The following LARGE1 variants were observed in gnomAD, a reference collection of about 807,000 sequenced individuals.
LARGE1 encodes the protein LARGE xylosyl- and glucuronyltransferase 1, also known as xylosyl- and glucuronyltransferase LARGE1.
A neutral mutation model predicts 87.6 loss-of-function variants in LARGE1; 43 were observed. The ratio of observed to expected loss-of-function variants is 0.49; its 90% CI spans 0.38 to 0.63. The LOEUF (loss-of-function observed/expected upper bound fraction) is 0.63, where lower values mean the gene tolerates loss of function less well. Ranked by LOEUF, LARGE1 falls within the 30% of genes least tolerant of loss-of-function variation. The probability of loss-of-function intolerance (pLI) is 0.00; values close to 1 mark genes in which losing one functional copy is unlikely to be tolerated. For missense variants in LARGE1, 802 were observed against 1,000.2 expected, an observed-to-expected ratio of 0.80 and a Z score of 2.67; for synonymous variants, 434 against 394.6, an observed-to-expected ratio of 1.10 and a Z score of -1.18.
chr22:33,764,078 G>A (rs1020984485), intron 1 of LARGE1, among the ~76,000 whole-genome samples: 8 of 151,872 alleles, frequency 5.3e-5, no homozygotes, highest in Middle Eastern at 3.4e-3. Context: ...TCAATCTCTC[G>A]ACCTTGTGAT....
At chr22:33,131,057 AAAAAGT>A in the LARGE1 span, among the ~76,000 whole-genome samples, 5 of 149,684 alleles carry the variant, frequency 3.3e-5, no homozygotes, top group Admixed American at 2.0e-4. Flanking sequence ...AAAAAAAAAA[AAAAAGT>A]AACTATCGAA....
chr22:33,240,279 A>G (rs1212204832), intron 11 of LARGE1, among the ~76,000 whole-genome samples: 1 of 152,206 alleles, frequency 6.6e-6, no homozygotes, highest in African/African-American at 2.4e-5. Context: ...TCTAATTAAT[A>G]AGCCTTTTTA....
rs74705066 is a variant in LARGE1 at position 33,652,310 on chromosome 22, C to T, written c.107-1642G>A. The stretch of plus-strand genomic sequence containing the variant: ...TCTCTCTGATATCTGGGCCTGTACA[C>T]TCTCCACTTCAATAAACTTTCATTA... On this transcript the variant is annotated intron_variant, in intron 2 of 14. Transcript: ENST00000397394. Among the ~76,000 whole-genome samples the T allele has an allele frequency of 7.6e-3, 1,152 of 152,194 alleles. 17 individuals are homozygous for T. The highest frequency in any genetic ancestry group is 0.026 in the African/African-American group (1,097 of 41,508).
intron 2 of LARGE1, among the ~76,000 whole-genome samples, chr22:33,677,288 T>TAAAAA (rs779032764): frequency 2.9e-4 from 32 of 109,944 alleles, no homozygotes; most frequent in Non-Finnish European, 3.8e-4. Flanking sequence ...TTTCAGGAGT[T>TAAAAA]AAAAAAAAAA....
At chr22:33,859,144 C>T (rs2065008683) in intron 1 of LARGE1, among the ~76,000 whole-genome samples, 1 of 152,070 alleles carries the variant, frequency 6.6e-6, no homozygotes, top group African/African-American at 2.4e-5. Context: ...ACCTATGTAA[C>T]ATAACTGCAC....
At chr22:33,779,903 T>C (rs908085133) in intron 1 of LARGE1, among the ~76,000 whole-genome samples, 7 of 152,220 alleles carry the variant, frequency 4.6e-5, no homozygotes, top group African/African-American at 1.2e-4. Context: ...CACTGGGCTA[T>C]TGTGTCAGTT....
chr22:33,158,680 A>G (rs1921937479), downstream of LARGE1, among the ~76,000 whole-genome samples: 1 of 152,204 alleles, frequency 6.6e-6, no homozygotes, highest in Non-Finnish European at 1.5e-5. Flanking sequence ...TGAGCCCCAC[A>G]TGTTGATACA....
intron 9 of LARGE1, among the ~76,000 whole-genome samples, chr22:33,379,908 G>A (rs191211186): frequency 6.6e-6 from 1 of 152,056 alleles, no homozygotes; most frequent in South Asian, 2.1e-4. Context: ...AAATTTCAAG[G>A]GTTTTAGGAG....
chr22:33,294,870 G>A (rs994839251), intron 12 of LARGE1, among the ~76,000 whole-genome samples: 3 of 152,200 alleles, frequency 2.0e-5, no homozygotes, highest in African/African-American at 7.2e-5. Flanking sequence ...GGATGGGACT[G>A]TGAAGAGGCC....
the LARGE1 span, among the ~76,000 whole-genome samples, chr22:33,094,296 G>T: frequency 3.3e-5 from 5 of 152,000 alleles, no homozygotes; most frequent in Admixed American, 3.3e-4. Context: ...CTCATTAGAG[G>T]CTCCCCATCT....
chr22:33,800,602 A>C (rs2146073955), intron 1 of LARGE1, among the ~76,000 whole-genome samples: 1 of 152,302 alleles, frequency 6.6e-6, no homozygotes, highest in African/African-American at 2.4e-5. Context: ...CCTATGCTCT[A>C]TAATTCTGTC....
intron 11 of LARGE1, among the ~76,000 whole-genome samples, chr22:33,306,659 GTCAGGAAT>G (rs1385199626): frequency 6.6e-6 from 1 of 152,090 alleles, no homozygotes; most frequent in African/African-American, 2.4e-5. Flanking sequence ...GATCATCGAG[GTCAGGAAT>G]TCAAGACCAG....
chr22:33,231,137 A>G (rs182976356), intron 11 of LARGE1, among the ~76,000 whole-genome samples: 16 of 152,354 alleles, frequency 1.1e-4, no homozygotes, highest in African/African-American at 3.8e-4. Flanking sequence ...ATGTTCTTAT[A>G]TCTTGGCATC....
intron 11 of LARGE1, among the ~76,000 whole-genome samples, chr22:33,307,057 C>A (rs1935012732): frequency 6.6e-6 from 1 of 152,114 alleles, no homozygotes; most frequent in South Asian, 2.1e-4. Context: ...AATCTTTAGT[C>A]CCTTAGAACC....
chr22:33,443,908 C>T (rs9619349), intron 6 of LARGE1, among the ~76,000 whole-genome samples: 5,548 of 152,366 alleles, frequency 0.036, 324 homozygotes, highest in African/African-American at 0.12. Context: ...GAGGCCTCCA[C>T]GAGGCGGCAG....
chr22:33,859,852 ATGCTAAG>A (rs2146579418), intron 1 of LARGE1, among the ~76,000 whole-genome samples: 2 of 152,356 alleles, frequency 1.3e-5, no homozygotes, highest in South Asian at 4.1e-4. Flanking sequence ...TGAGGACCTC[ATGCTAAG>A]TGAAATACGC....
At chr22:33,079,511 G>C in the LARGE1 span, among the ~76,000 whole-genome samples, 16 of 152,134 alleles carry the variant, frequency 1.1e-4, no homozygotes, top group East Asian at 3.9e-4. Flanking sequence ...GCAGGCGTGA[G>C]CCACCACACC....
chr22:33,357,597 C>G, intron 9 of LARGE1, among the ~76,000 whole-genome samples: 1 of 151,902 alleles, frequency 6.6e-6, no homozygotes, highest in East Asian at 1.9e-4. Context: ...GAGTTTGAGA[C>G]CAGCCTGACC....
chr22:33,323,804 C>G (rs190123206), intron 10 of LARGE1, among the ~76,000 whole-genome samples: 1 of 152,164 alleles, frequency 6.6e-6, no homozygotes, highest in African/African-American at 2.4e-5. Context: ...GCTTTGTGAA[C>G]TGTAAAGTGC....
Sources: allele counts gnomAD v4.1 joint callset (sites outside exome capture counted in the v4.1 genomes callset), GRCh38; gene constraint gnomAD v4.1.1; transcripts MANE v1.5; gene names NCBI Gene and HGNC (gene_info 2026-07-23, HGNC 2026-07-21).